MPHOSPH8: variants seen among roughly 807,000 people sequenced by gnomAD.
MPHOSPH8 encodes the protein M-phase phosphoprotein 8, also known as M-phase phosphoprotein, mpp.
MPHOSPH8 carries 45 observed loss-of-function variants against 87.3 expected under a neutral mutation model. The observed-to-expected ratio is 0.52, with a 90% CI of 0.41 to 0.66. The LOEUF (loss-of-function observed/expected upper bound fraction) is 0.66, where lower values mean the gene tolerates loss of function less well. MPHOSPH8 is among the 30% of genes least tolerant of loss of function. MPHOSPH8 has a pLI of 0.00. For missense variants in MPHOSPH8, 883 were observed against 1,020.2 expected (o/e 0.87, Z 1.83); for synonymous variants, 366 against 376.9 (o/e 0.97, Z 0.33).
rs1413446364 is a variant in MPHOSPH8, at chr13:19,646,508, A to G, written c.435A>G (p.Lys145=). ...NSDSDQQSET[K]EDTSPKKKKK... is the part of the protein sequence containing the mutation. ...ATAGCGATCAGCAAAGTGAGACAAA[A>G]GAAGATACTTCCCCAAAGAAGAAAA... is the stretch of plus-strand genomic sequence containing the variant. The change falls in exon 3 of 14, where the codon AAA becomes AAG. Residue 145 remains lysine (K), a synonymous_variant. Coordinates refer to ENST00000361479, the MANE Select transcript of MPHOSPH8 (RefSeq NM_017520.4). 1 of 1,570,238 alleles carries G rather than the reference A, an allele frequency of 6.4e-7. No homozygotes were observed. Among genetic ancestry groups the G allele is most frequent in the Non-Finnish European group, 8.6e-7 (1 of 1,169,020 alleles).
At chr13:19,670,956 A>G (rs1876090887) in intron 12 of MPHOSPH8, 2 of 1,015,484 alleles carry the variant, frequency 2.0e-6, no homozygotes, top group South Asian at 1.5e-5. Context: ...ACTACCTGGG[A>G]CTAAAAATGC....
chr13:19,633,693 G>A lies in MPHOSPH8; in HGVS notation c.-56G>A. On this transcript the variant is annotated 5_prime_UTR_variant, in exon 1 of 14. Transcript: ENST00000361479. ...TAGGGCCGAGCGCGGAACGCGAGGGGCTGCTGGGGTGTTTGTCGCAGCGGG... is the reference window on the plus strand; with the variant it reads ...TAGGGCCGAGCGCGGAACGCGAGGGACTGCTGGGGTGTTTGTCGCAGCGGG... The A allele has an allele frequency of 1.9e-6, 3 of 1,538,668 alleles. No individual in the cohort carries two copies. The highest frequency in any genetic ancestry group is 2.6e-6 in the Non-Finnish European group (3 of 1,136,128).
intron 7 of MPHOSPH8, among the ~76,000 whole-genome samples, chr13:19,660,412 G>C (rs1482386622): frequency 6.6e-6 from 1 of 152,012 alleles, no homozygotes; most frequent in Non-Finnish European, 1.5e-5. Flanking sequence ...TGGGTATCTT[G>C]TCTTGCTTAG....
rs189132033 is a variant in MPHOSPH8, at chr13:19,659,434, C to G, written c.1791+145C>G. The G allele has an allele frequency of 2.2e-4, 148 of 675,198 alleles. 1 individual carries two copies. The African/African-American group carries it at 2.4e-3, about 11-fold the overall frequency. 41.8% of individuals were successfully genotyped at this position (675,198 alleles called of 1,614,324 possible). ...ATCCCAGCACTTTGGGAGGCCGAGG[C>G]AGGAGGATTGCTTGAGCCCAGGAAT... On this transcript the variant is annotated intron_variant, in intron 7 of 13. Transcript: ENST00000361479.
chr13:19,670,020 G>A (rs1876034948), intron 11 of MPHOSPH8, among the ~76,000 whole-genome samples: 1 of 152,234 alleles, frequency 6.6e-6, no homozygotes, highest in African/African-American at 2.4e-5. Context: ...TGTCAGCAGA[G>A]ATTACTTGGG....
At position 19,673,375 on chromosome 13, in the gene MPHOSPH8, AC is replaced by A. The variant is rs1486222392; in HGVS notation, c.*1502del. ...CACGTTTGTGTAGATATTTCAGAGA[AC>A]CATTTTTACTTTACATCCTAAAACT... is the stretch of plus-strand genomic sequence containing the variant. On this transcript the variant is annotated 3_prime_UTR_variant, in exon 14 of 14. Transcript: ENST00000361479. 2.3e-5 allele frequency: 6 copies of A among 258,534 alleles called. No homozygotes were observed. The highest frequency in any genetic ancestry group is 3.9e-5 in the Non-Finnish European group (5 of 129,730). 16.0% of individuals were successfully genotyped at this position (258,534 alleles called of 1,614,324 possible).
Position 19,649,954 on chromosome 13 carries a change from CAG to C in MPHOSPH8, c.1319-47_1319-46del, listed in dbSNP as rs762819422. On this transcript the variant is annotated intron_variant, in intron 4 of 13. Coordinates refer to ENST00000361479, the MANE Select transcript of MPHOSPH8 (RefSeq NM_017520.4). ...AAGTTAGATTTTCTTTTGAATGTAA[CAG>C]AAATTTGTGACTCATACTTAACCAT... 7.1e-6 allele frequency: 10 copies of C among 1,414,748 alleles called. No homozygotes were observed. The African/African-American group carries it at 7.2e-5, about 10-fold the overall frequency. 87.6% of individuals were successfully genotyped at this position (1,414,748 alleles called of 1,614,324 possible).
chr13:19,654,465 T>G (rs1229704114), intron 5 of MPHOSPH8, among the ~76,000 whole-genome samples: 1 of 151,912 alleles, frequency 6.6e-6, no homozygotes, highest in African/African-American at 2.4e-5. Context: ...ACCCCAGAAC[T>G]TATAGTAATA....
chr13:19,634,613 C>T (rs1028483010), intron 1 of MPHOSPH8, among the ~76,000 whole-genome samples: 8 of 152,144 alleles, frequency 5.3e-5, no homozygotes, highest in African/African-American at 1.7e-4. Flanking sequence ...TCCAAGGCCT[C>T]GGGGTGTAGC....
In MPHOSPH8 at chr13:19,671,928, T is replaced by C; in HGVS notation, c.*53T>C. ...TCTTCAGACCGATTCCTATACTCTCTTTGACAGCAGTTTGGAATTCTTCTA... is the reference window on the plus strand; with the variant it reads ...TCTTCAGACCGATTCCTATACTCTCCTTGACAGCAGTTTGGAATTCTTCTA... On this transcript the variant is annotated 3_prime_UTR_variant, in exon 14 of 14. Transcript: ENST00000361479. 3 of 1,563,726 alleles carry C rather than the reference T, an allele frequency of 1.9e-6. No homozygotes were observed. The highest frequency in any genetic ancestry group is 2.6e-6 in the Non-Finnish European group (3 of 1,135,898).
At chr13:19,636,022 C>T (rs1565930937) in intron 1 of MPHOSPH8, among the ~76,000 whole-genome samples, 1 of 152,192 alleles carries the variant, frequency 6.6e-6, no homozygotes, top group Non-Finnish European at 1.5e-5. Flanking sequence ...CTTTGCCTTC[C>T]GCCATGATTA....
In MPHOSPH8 at chr13:19,666,479, G is replaced by A. The variant is rs773334606; in HGVS notation, c.2074G>A (p.Asp692Asn). Residue 692 changes from aspartate to asparagine, a missense_variant, in exon 10 of 14, where the codon GAC (aspartate) becomes AAC (asparagine). Coordinates refer to ENST00000361479, the MANE Select transcript of MPHOSPH8 (RefSeq NM_017520.4). ...IVRLVIECGA[D>N]CNILSKHQNS... is the part of the protein sequence containing the mutation. Reference sequence around the variant, plus strand: ...ACGACTCGTAATTGAATGTGGAGCTGACTGCAATATTTTGTCAAAGCACCA... The same window carrying A: ...ACGACTCGTAATTGAATGTGGAGCTAACTGCAATATTTTGTCAAAGCACCA... 2 of 1,611,742 alleles carry A rather than the reference G, an allele frequency of 1.2e-6. No homozygotes were observed. Among genetic ancestry groups the A allele is most frequent in the African/African-American group, 2.7e-5 (2 of 74,942 alleles).
chr13:19,635,513 G>A (rs1306758200), intron 1 of MPHOSPH8, among the ~76,000 whole-genome samples: 1 of 152,128 alleles, frequency 6.6e-6, no homozygotes, highest in Non-Finnish European at 1.5e-5. Context: ...GGGCGACAGA[G>A]GGAGACTCCG....
chr13:19,671,419 T>C, intron 13 of MPHOSPH8, 130 bp downstream of exon 13: 2 of 709,498 alleles, frequency 2.8e-6, no homozygotes, highest in African/African-American at 1.8e-5. Flanking sequence ...CCTGGGGTAG[T>C]GATGCTAGGT....
rs917115435 is a variant in MPHOSPH8 at position 19,671,027 on chromosome 13, G to A, written c.2458-179G>A. The A allele has an allele frequency of 4.4e-6, 6 of 1,357,414 alleles. No individual in the cohort carries two copies. The African/African-American group carries it at 8.8e-5, about 20-fold the overall frequency. The allele number at this position is 1,357,414 out of a possible 1,614,324, so 84.1% of individuals were successfully genotyped here. ...GTAGAGATGGGGTTTCACCATGTTG[G>A]CCAGGCTGGTCTCAAACTTCTGGGC... is the stretch of plus-strand genomic sequence containing the variant. On this transcript the variant is annotated intron_variant, in intron 12 of 13. Coordinates refer to ENST00000361479, the MANE Select transcript of MPHOSPH8 (RefSeq NM_017520.4).
intron 5 of MPHOSPH8, among the ~76,000 whole-genome samples, chr13:19,654,368 CCT>C (rs1875034759): frequency 6.6e-6 from 1 of 152,108 alleles, no homozygotes; most frequent in African/African-American, 2.4e-5. Context: ...AGGAGAAACA[CCT>C]GATGTAGATG....
In MPHOSPH8 at chr13:19,672,813, C is replaced by CT. The variant is rs1240020082; in HGVS notation, c.*942dup. On this transcript the variant is annotated 3_prime_UTR_variant, in exon 14 of 14. Transcript: ENST00000361479. ...CCTAAAAGAGAGTATTAAATGTGAA[C>CT]TTTTAGCAGAGCGTGGTGGCTCACA... The CT allele has an allele frequency of 3.6e-6, 1 of 280,430 alleles. No individual in the cohort carries two copies. The highest frequency in any genetic ancestry group is 7.1e-6 in the Non-Finnish European group (1 of 140,930). 17.4% of individuals were successfully genotyped at this position (280,430 alleles called of 1,614,324 possible).
intron 5 of MPHOSPH8, among the ~76,000 whole-genome samples, chr13:19,653,198 C>T (rs186145982): frequency 1.3e-3 from 192 of 152,264 alleles, no homozygotes; most frequent in Admixed American, 2.4e-3. Flanking sequence ...TGGCATCTGG[C>T]GGGTGCCCCT....
Position 19,659,206 on chromosome 13 carries a change from T to G in MPHOSPH8, c.1708T>G (p.Leu570Val), listed in dbSNP as rs1408737900. The G allele has an allele frequency of 3.1e-6, 5 of 1,612,690 alleles. No individual in the cohort carries two copies. The East Asian group carries it at 1.1e-4, about 36-fold the overall frequency. ...AATDAIPSNV[L>V]RDAVKNGDYI... ...TATTTTTTCTTTCATTTTAGATGTG[T>G]TAAGGGATGCTGTGAAAAATGGGGA... Residue 570 changes from leucine to valine, a missense_variant, in exon 7 of 14, where the codon TTA becomes GTA. Leu to Val is a conservative substitution (Grantham distance 32). This residue lies in a region of MPHOSPH8 where 741 missense variants were observed against 841.5 expected (regional missense o/e 0.88). Coordinates refer to ENST00000361479, the MANE Select transcript of MPHOSPH8 (RefSeq NM_017520.4).
Sources: allele counts gnomAD v4.1 joint callset (sites outside exome capture counted in the v4.1 genomes callset), GRCh38; gene constraint gnomAD v4.1.1; regional missense constraint gnomAD v4.1.1; transcripts MANE v1.5; gene names NCBI Gene and HGNC (gene_info 2026-07-23, HGNC 2026-07-21).